The following KPNA4 variants were observed in gnomAD, a reference collection of about 807,000 sequenced individuals.
KPNA4 encodes the protein importin subunit alpha-3.
A neutral mutation model predicts 71.3 loss-of-function variants in KPNA4; 13 were observed. That is an observed-to-expected ratio of 0.18 (90% CI 0.12 to 0.29). The LOEUF is 0.29. KPNA4 is among the 10% of genes least tolerant of loss of function. The pLI is 1.00. For synonymous variants in KPNA4, 189 were observed against 195.2 expected (o/e 0.97, Z 0.26); for missense variants, 334 against 603.2 (o/e 0.55, Z 4.67).
rs1446600227 is a variant in KPNA4, at chr3:160,495,129, G to A, written c.*6975C>T. ...CTTACAATCTAGTGGAAAGAAAGAC[G>A]GAGAAACTCAGATGTGATAGAGCAA... On this transcript the variant is annotated 3_prime_UTR_variant, in exon 17 of 17. Coordinates refer to ENST00000334256, the MANE Select transcript of KPNA4 (RefSeq NM_002268.5). 6.6e-6 allele frequency: 1 copy of A among 152,074 alleles called. No homozygotes were observed. Among genetic ancestry groups the A allele is most frequent in the Non-Finnish European group, 1.5e-5 (1 of 68,024 alleles). The allele number at this position is 152,074 out of a possible 1,614,324, so 9.4% of individuals were successfully genotyped here. A position where few individuals can be genotyped will look rare whatever the true frequency, so the allele number is the denominator to read the frequency against.
chr3:160,548,342 C>T (rs545461953), intron 1 of KPNA4, among the ~76,000 whole-genome samples: 1 of 152,224 alleles, frequency 6.6e-6, no homozygotes, highest in Admixed American at 6.5e-5. Context: ...ACCACTTTAA[C>T]TATTTTAAAG....
At chr3:160,554,892 A>T (rs1206956113) in intron 1 of KPNA4, among the ~76,000 whole-genome samples, 1 of 152,238 alleles carries the variant, frequency 6.6e-6, no homozygotes, top group Non-Finnish European at 1.5e-5. Flanking sequence ...TTAAAAAATC[A>T]GCAAACATAA....
chr3:160,539,996 T>C, intron 1 of KPNA4, among the ~76,000 whole-genome samples: 1 of 128,688 alleles, frequency 7.8e-6, no homozygotes, highest in African/African-American at 2.8e-5. Context: ...TCTTTTTCTT[T>C]TCTTTTTTTT....
At chr3:160,504,880 C>T in intron 16 of KPNA4, 78 bp downstream of exon 16, 1 of 556,276 alleles carries the variant, frequency 1.8e-6, no homozygotes, top group Non-Finnish European at 2.8e-6. Context: ...TGTATGTCCC[C>T]CAGCTTACTA....
intron 1 of KPNA4, among the ~76,000 whole-genome samples, 198 bp downstream of exon 1, chr3:160,565,016 G>A (rs1301290586): frequency 1.3e-5 from 2 of 150,572 alleles, no homozygotes; most frequent in East Asian, 3.9e-4. Context: ...CGGGCACCTC[G>A]CTCCCCGGCG....
chr3:160,543,982 C>T (rs1160963178), intron 1 of KPNA4, among the ~76,000 whole-genome samples: 4 of 152,100 alleles, frequency 2.6e-5, no homozygotes, highest in Admixed American at 6.5e-5. Context: ...CTCAGCCACC[C>T]GAGTATCTGG....
At position 160,495,779 on chromosome 3, in the gene KPNA4, G is replaced by GA. The variant is rs1192396627; in HGVS notation, c.*6324dup. On this transcript the variant is annotated 3_prime_UTR_variant, in exon 17 of 17. Coordinates refer to ENST00000334256, the MANE Select transcript of KPNA4 (RefSeq NM_002268.5). ...CAAGTAAAAATGTAAGTGAAGGTAG[G>GA]AAATACCTAGAATACATGATGTTTT... The GA allele has an allele frequency of 2.0e-5, 3 of 151,484 alleles. No individual in the cohort carries two copies. Among genetic ancestry groups the GA allele is most frequent in the Non-Finnish European group, 4.4e-5 (3 of 67,956 alleles). 9.4% of individuals were successfully genotyped at this position (151,484 alleles called of 1,614,324 possible).
At chr3:160,511,729 T>TATAA (rs556651397) in intron 13 of KPNA4, among the ~76,000 whole-genome samples, 19 of 149,660 alleles carry the variant, frequency 1.3e-4, no homozygotes, top group Admixed American at 2.0e-4. Context: ...TATATATATA[T>TATAA]AAATATATTT....
rs141472020 is a variant in KPNA4 at position 160,556,826 on chromosome 3, T to A, written c.69+8388A>T. The stretch of plus-strand genomic sequence containing the variant: ...ATTAAGAGAAAAAACGTGAACAAAT[T>A]TAAGGTGTCTGAAACAGCTGATCAA... On this transcript the variant is annotated intron_variant, in intron 1 of 16. Coordinates refer to ENST00000334256, the MANE Select transcript of KPNA4 (RefSeq NM_002268.5). 4.1e-3 allele frequency among the ~76,000 whole-genome samples: 624 copies of A among 152,218 alleles called. 7 individuals are homozygous for A. The highest frequency in any genetic ancestry group is 0.015 in the African/African-American group (604 of 41,522).
intron 16 of KPNA4, among the ~76,000 whole-genome samples, chr3:160,504,166 G>C (rs941341981): frequency 6.6e-6 from 1 of 152,188 alleles, no homozygotes; most frequent in Non-Finnish European, 1.5e-5. Context: ...TTAAACAACT[G>C]TAAGTAAATA....
intron 1 of KPNA4, among the ~76,000 whole-genome samples, chr3:160,545,762 A>G (rs1041434218): frequency 2.6e-5 from 4 of 152,320 alleles, no homozygotes; most frequent in African/African-American, 9.6e-5. Flanking sequence ...GCAACAGATA[A>G]TATCTTGGAC....
At chr3:160,554,970 C>T (rs553252335) in intron 1 of KPNA4, among the ~76,000 whole-genome samples, 15 of 152,300 alleles carry the variant, frequency 9.8e-5, no homozygotes, top group East Asian at 7.7e-4. Context: ...GCAGGTAGTG[C>T]GAACTCTATG....
chr3:160,550,921 G>C (rs77509300), intron 1 of KPNA4, among the ~76,000 whole-genome samples: 2,078 of 152,262 alleles, frequency 0.014, 46 homozygotes, highest in African/African-American at 0.043. Context: ...GTATTCTGTT[G>C]AGGATTTTTG....
chr3:160,505,222 T>TA (rs1342589841), intron 15 of KPNA4, among the ~76,000 whole-genome samples, 170 bp from the exon 16 acceptor site: 1 of 152,186 alleles, frequency 6.6e-6, no homozygotes, highest in Non-Finnish European at 1.5e-5. Context: ...TGCACAAAGA[T>TA]ACAGCATATT....
At chr3:160,527,481 A>G (rs944991955) in intron 8 of KPNA4, among the ~76,000 whole-genome samples, 1 of 152,214 alleles carries the variant, frequency 6.6e-6, no homozygotes, top group African/African-American at 2.4e-5. Context: ...ATACATTACT[A>G]AATTCTAATG....
At chr3:160,535,757 A>G (rs533993938) in intron 3 of KPNA4, 51 bp downstream of exon 3, 1 of 1,565,044 alleles carries the variant, frequency 6.4e-7, no homozygotes, top group East Asian at 2.3e-5. Flanking sequence ...TTAATGTGAA[A>G]TCTTTCACTC....
intron 5 of KPNA4, among the ~76,000 whole-genome samples, chr3:160,532,884 T>C (rs1721600395): frequency 6.6e-6 from 1 of 152,214 alleles, no homozygotes; most frequent in Non-Finnish European, 1.5e-5. Context: ...ACTGAACCTA[T>C]CCTAAACCCC....
chr3:160,540,020 G>A (rs1268489352), intron 1 of KPNA4, among the ~76,000 whole-genome samples: 1 of 130,600 alleles, frequency 7.7e-6, no homozygotes, highest in Non-Finnish European at 1.6e-5. Context: ...TTTTTGGTGA[G>A]ACGGAGTCTC....
chr3:160,532,027 G>C (rs1321851069), intron 5 of KPNA4, among the ~76,000 whole-genome samples: 1 of 152,148 alleles, frequency 6.6e-6, no homozygotes, highest in Non-Finnish European at 1.5e-5. Flanking sequence ...CCTGACTTCA[G>C]GTGATCCACC....
Sources: gnomAD v4.1 joint callset for allele counts (sites outside exome capture counted in the v4.1 genomes callset) on GRCh38, gnomAD v4.1.1 for gene constraint, MANE v1.5 for transcripts, NCBI Gene and HGNC (gene_info 2026-07-23, HGNC 2026-07-21) for gene names.